Variants in ZNF583 observed in about 807,000 individuals in gnomAD.
ZNF583 encodes the protein zinc finger protein L3-5.
Under a neutral mutation model 55.3 loss-of-function variants are expected in ZNF583, and 30 were observed. The ratio of observed to expected loss-of-function variants is 0.54; its 90% CI spans 0.41 to 0.74. The LOEUF (loss-of-function observed/expected upper bound fraction) is 0.74, where lower values mean the gene tolerates loss of function less well. ZNF583 is among the 30% of genes least tolerant of loss of function. The pLI is 0.00. For synonymous variants in ZNF583, 208 were observed against 220.0 expected, an observed-to-expected ratio of 0.95 and a Z score of 0.48; for missense variants, 504 against 664.7, an observed-to-expected ratio of 0.76 and a Z score of 2.66.
intron 1 of ZNF583, 59 bp from the exon 2 acceptor site, chr19:56,406,967 G>T: frequency 1.3e-6 from 1 of 757,878 alleles, no homozygotes. Context: ...TTTCTAGGCT[G>T]ATGATACTGA....
At chr19:56,421,665 G>A (rs1398528889) in intron 4 of ZNF583, 1 of 252,060 alleles carries the variant, frequency 4.0e-6, no homozygotes, top group African/African-American at 2.3e-5. Context: ...ATGAATTAGT[G>A]TGGTGTTTTA....
In ZNF583 at chr19:56,427,198, G is replaced by A. The variant is rs2042497859; in HGVS notation, c.*2830G>A. ...GCCTTTGTATGTGAAAGTTATGTCA[G>A]TAGCCCTTGCCAAAAGCCTCCTCAC... On this transcript the variant is annotated 3_prime_UTR_variant, in exon 5 of 5. Transcript: ENST00000333201. The A allele has an allele frequency of 2.6e-5, 4 of 152,144 alleles. No individual in the cohort carries two copies. 9.4% of individuals were successfully genotyped at this position (152,144 alleles called of 1,614,324 possible).
At chr19:56,420,376 G>T (rs2042395400) in intron 4 of ZNF583, among the ~76,000 whole-genome samples, 1 of 152,082 alleles carries the variant, frequency 6.6e-6, no homozygotes, top group South Asian at 2.1e-4. Context: ...AACACATTGT[G>T]TGCACTCGAA....
In ZNF583 at chr19:56,424,501, G is replaced by C. The variant is rs984720642; in HGVS notation, c.*133G>C. ...CTTGTACTCACCATTGTCTCTGTCA[G>C]ATGTCCACATTGCAACCAAATTTGT... On this transcript the variant is annotated 3_prime_UTR_variant, in exon 5 of 5. Transcript: ENST00000333201. 5 of 548,698 alleles carry C rather than the reference G, an allele frequency of 9.1e-6. No individual in the cohort carries two copies. In the African/African-American group the frequency reaches 9.5e-5, roughly 10 times the overall value. The allele number at this position is 548,698 out of a possible 1,614,324, so 34.0% of individuals were successfully genotyped here.
In ZNF583 at chr19:56,425,293, T is replaced by G. The variant is rs2042484498; in HGVS notation, c.*925T>G. Reference sequence around the variant, plus strand: ...AGTGCAATCTTGGCTCACTGCAACCTCCGCCTCCTGTGTTCAAGTGATTCT... The same window carrying G: ...AGTGCAATCTTGGCTCACTGCAACCGCCGCCTCCTGTGTTCAAGTGATTCT... On this transcript the variant is annotated 3_prime_UTR_variant, in exon 5 of 5. Transcript: ENST00000333201. 6.6e-6 allele frequency: 1 copy of G among 152,294 alleles called. No homozygotes were observed. The highest frequency in any genetic ancestry group is 2.4e-5 in the African/African-American group (1 of 41,454). The allele number at this position is 152,294 out of a possible 1,614,324, so 9.4% of individuals were successfully genotyped here.
intron 4 of ZNF583, chr19:56,414,680 T>C: frequency 2.4e-6 from 1 of 423,952 alleles, no homozygotes; most frequent in Non-Finnish European, 4.2e-6. Flanking sequence ...TTTCCTATTG[T>C]TGGATCCAGA....
chr19:56,404,387 G>A lies in ZNF583; in HGVS notation c.-155G>A, dbSNP rs1013025893. 2 of 151,232 alleles carry A rather than the reference G, an allele frequency of 1.3e-5. No homozygotes were observed. The highest frequency in any genetic ancestry group is 5.0e-5 in the African/African-American group (2 of 40,364). The allele number at this position is 151,232 out of a possible 1,614,324, so 9.4% of individuals were successfully genotyped here. The stretch of plus-strand genomic sequence containing the variant: ...CCGGCCAGGATCGAGCCCTGGCCCG[G>A]GCCCTGGCCCAGCCCCGGCCTCCAA... On this transcript the variant is annotated 5_prime_UTR_variant, in exon 1 of 5. Coordinates refer to ENST00000333201, the MANE Select transcript of ZNF583 (RefSeq NM_152478.3). The surrounding 1 kb of genome is among the most constrained non-coding windows in gnomAD (Gnocchi z 5.2).
intron 4 of ZNF583, among the ~76,000 whole-genome samples, chr19:56,421,725 T>A (rs1225678820): frequency 6.6e-6 from 1 of 152,182 alleles, no homozygotes; most frequent in African/African-American, 2.4e-5. Flanking sequence ...ACCTTCTATC[T>A]GTCCAGGCTA....
At chr19:56,418,989 A>C (rs1263046477) in intron 4 of ZNF583, among the ~76,000 whole-genome samples, 1 of 151,990 alleles carries the variant, frequency 6.6e-6, no homozygotes, top group Non-Finnish European at 1.5e-5. Context: ...ACATCTGTTG[A>C]AATGATCATG....
At chr19:56,413,066 T>G (rs1410665757) in intron 2 of ZNF583, among the ~76,000 whole-genome samples, 1 of 152,230 alleles carries the variant, frequency 6.6e-6, no homozygotes, top group Non-Finnish European at 1.5e-5. Flanking sequence ...GACACCAAGC[T>G]GCTGGTCATC....
chr19:56,406,185 A>G (rs972642706), intron 1 of ZNF583, among the ~76,000 whole-genome samples: 4 of 152,194 alleles, frequency 2.6e-5, no homozygotes, highest in African/African-American at 9.7e-5. Flanking sequence ...TGACTCTTTG[A>G]TCGAGTGTCC....
At chr19:56,422,381 G>A (rs918406636) in intron 4 of ZNF583, among the ~76,000 whole-genome samples, 3 of 152,102 alleles carry the variant, frequency 2.0e-5, no homozygotes, top group African/African-American at 4.8e-5. Context: ...CATAGAAAAT[G>A]ATTTTCTGGA....
intron 4 of ZNF583, chr19:56,421,446 G>A (rs2042414613): frequency 1.0e-6 from 1 of 985,136 alleles, no homozygotes; most frequent in South Asian, 4.7e-5. Context: ...TCATGGGTGT[G>A]ATTTGCAACT....
chr19:56,408,538 T>G (rs2042190298), intron 2 of ZNF583, among the ~76,000 whole-genome samples: 1 of 152,144 alleles, frequency 6.6e-6, no homozygotes, highest in South Asian at 2.1e-4. Flanking sequence ...GGAAGATAAT[T>G]ATGGGTGATC....
intron 2 of ZNF583, among the ~76,000 whole-genome samples, chr19:56,412,015 A>G (rs2042246345): frequency 6.6e-6 from 1 of 152,242 alleles, no homozygotes. Context: ...TTGACAACCA[A>G]CAAGGCAAAG....
rs2042277254 is a variant in ZNF583 at position 56,413,965 on chromosome 19, G to A, written c.16G>A (p.Val6Met). Residue 6 changes from valine to methionine, a missense_variant, in exon 3 of 5, where the codon GTG becomes ATG. By Grantham distance (21) the Val-to-Met change is conservative (BLOSUM62 1). Around this residue, in one of 3 missense-constraint regions of ZNF583, gnomAD observed 204 missense variants for 235.2 expected, o/e 0.87. Coordinates refer to ENST00000333201, the MANE Select transcript of ZNF583 (RefSeq NM_152478.3). MSKDL[V>M]TFGDVAVNFS... ...TGTGTTTATGTCATTTCAGGATTTG[G>A]TGACATTTGGGGATGTGGCTGTAAA... The A allele has an allele frequency of 6.2e-7, 1 of 1,614,098 alleles. No individual in the cohort carries two copies.
At chr19:56,407,265 G>A (rs1159639050) in intron 2 of ZNF583, 142 bp downstream of exon 2, 20 of 960,204 alleles carry the variant, frequency 2.1e-5, no homozygotes, top group Non-Finnish European at 2.7e-5. Context: ...TTGCTTTCCA[G>A]TAAAAGTCTC....
chr19:56,422,354 A>G lies in ZNF583; in HGVS notation c.233-537A>G, dbSNP rs375989933. Among the ~76,000 whole-genome samples, 252 of 152,254 alleles carry G rather than the reference A, an allele frequency of 1.7e-3. 1 individual carries two copies. The highest frequency in any genetic ancestry group is 5.8e-3 in the African/African-American group (241 of 41,560). On this transcript the variant is annotated intron_variant, in intron 4 of 4. Coordinates refer to ENST00000333201, the MANE Select transcript of ZNF583 (RefSeq NM_152478.3). ...GCAGGGATCAATTGAAAGTTTACATATGGTTGGAGTTTGTTACATAGAAAA... is the reference window on the plus strand; with the variant it reads ...GCAGGGATCAATTGAAAGTTTACATGTGGTTGGAGTTTGTTACATAGAAAA...
At position 56,423,264 on chromosome 19, in the gene ZNF583, T is replaced by C. The variant is rs780327828; in HGVS notation, c.606T>C (p.His202=). Residue 202 remains histidine, a synonymous_variant, in exon 5 of 5, where the codon CAT becomes CAC. Transcript: ENST00000333201. ...SYRKKSVEMK[H]RKVYVEKKLL... ...GAAAAAAATCTGTTGAAATGAAACA[T>C]AGGAAAGTCTATGTAGAAAAGAAAC... 2 of 1,610,082 alleles carry C rather than the reference T, an allele frequency of 1.2e-6. No individual in the cohort carries two copies. The highest frequency in any genetic ancestry group is 1.3e-5 in the African/African-American group (1 of 74,428).
Sources: allele counts gnomAD v4.1 joint callset (sites outside exome capture counted in the v4.1 genomes callset), GRCh38; gene constraint gnomAD v4.1.1; regional missense constraint gnomAD v4.1.1; non-coding constraint Gnocchi (gnomAD v3.1); transcripts MANE v1.5; gene names NCBI Gene and HGNC (gene_info 2026-07-23, HGNC 2026-07-21).